Variants in TCF7L2 observed in about 807,000 individuals in gnomAD.
TCF7L2 encodes the protein transcription factor 7 like 2, also known as transcription factor 7-like 2.
TCF7L2 carries 23 observed loss-of-function variants against 77.9 expected under a neutral mutation model. The observed-to-expected ratio is 0.30, with a 90% CI of 0.21 to 0.42. TCF7L2 has a LOEUF of 0.42. TCF7L2 is among the 10% of genes least tolerant of loss of function. TCF7L2 has a pLI of 1.00. For missense variants in TCF7L2, 654 were observed against 793.1 expected, an observed-to-expected ratio of 0.82 and a Z score of 2.11; for synonymous variants, 413 against 340.2, an observed-to-expected ratio of 1.21 and a Z score of -2.36.
At chr10:113,062,158 G>A (rs1407599983) in intron 5 of TCF7L2, among the ~76,000 whole-genome samples, 2 of 152,134 alleles carry the variant, frequency 1.3e-5, no homozygotes, top group Non-Finnish European at 1.5e-5. Flanking sequence ...TCATGAAGAT[G>A]ACTGATAGAA....
intron 4 of TCF7L2, among the ~76,000 whole-genome samples, chr10:113,035,210 T>C (rs1371277824): frequency 6.6e-6 from 1 of 152,184 alleles, no homozygotes; most frequent in Non-Finnish European, 1.5e-5. Flanking sequence ...AGCTTTTCCC[T>C]CACAACTTGA....
rs946717595 is a variant in TCF7L2 at position 113,071,873 on chromosome 10, C to T, written c.552+31747C>T. Reference sequence around the variant, plus strand: ...CCCCACCCCCCATGAGTGGATTCCTCCAGGTCAGGGGCTGGCTGGGACTGT... The same window carrying T: ...CCCCACCCCCCATGAGTGGATTCCTTCAGGTCAGGGGCTGGCTGGGACTGT... On this transcript the variant is annotated intron_variant, in intron 5 of 13. Coordinates refer to ENST00000627217, the MANE Select transcript of TCF7L2 (RefSeq NM_001146274.2). Among the ~76,000 whole-genome samples, 6 of 152,200 alleles carry T rather than the reference C, an allele frequency of 3.9e-5. 1 individual carries two copies. In the South Asian group the frequency reaches 1.2e-3, roughly 32 times the overall value.
At chr10:113,138,862 G>A (rs1161525047) in intron 5 of TCF7L2, among the ~76,000 whole-genome samples, 1 of 152,130 alleles carries the variant, frequency 6.6e-6, no homozygotes, top group Non-Finnish European at 1.5e-5. Context: ...GAATGAATTA[G>A]GGCCTACTGA....
intron 5 of TCF7L2, among the ~76,000 whole-genome samples, chr10:113,133,903 G>T (rs1053855052): frequency 6.6e-6 from 1 of 152,192 alleles, no homozygotes; most frequent in African/African-American, 2.4e-5. Context: ...AGCCTGCGGG[G>T]GTAGGTTCTG....
rs150613645 is a variant in TCF7L2 at position 113,049,917 on chromosome 10, G to T, written c.552+9791G>T. Among the ~76,000 whole-genome samples the T allele has an allele frequency of 2.9e-3, 444 of 152,222 alleles. 5 individuals carry two copies. Among genetic ancestry groups the T allele is most frequent in the Middle Eastern group, 0.017 (5 of 294 alleles). On this transcript the variant is annotated intron_variant, in intron 5 of 13. Coordinates refer to ENST00000627217, the MANE Select transcript of TCF7L2 (RefSeq NM_001146274.2). ...ACACCTGTAGGCTGAGCAAGTCCCC[G>T]TTCATCAGACCCTGGCTCATCCAGC...
At chr10:113,049,793 C>T (rs375345311) in intron 5 of TCF7L2, among the ~76,000 whole-genome samples, 101 of 152,144 alleles carry the variant, frequency 6.6e-4, no homozygotes, top group African/African-American at 2.3e-3. Context: ...GCTTTGAGAC[C>T]CAAGAGCTTA....
intron 3 of TCF7L2, among the ~76,000 whole-genome samples, chr10:112,954,963 G>C (rs142522777): frequency 7.8e-4 from 118 of 152,210 alleles, no homozygotes; most frequent in African/African-American, 2.7e-3. Context: ...TTATTTAGCC[G>C]GGCAACTTCT....
intron 5 of TCF7L2, among the ~76,000 whole-genome samples, chr10:113,074,863 TG>T (rs1401425295): frequency 6.6e-6 from 1 of 152,164 alleles, no homozygotes; most frequent in Non-Finnish European, 1.5e-5. Context: ...CATCATCTCA[TG>T]GGCACAGGGC....
rs1175995835 is a variant in TCF7L2, at chr10:112,980,627, CT to C, written c.450+16017del. On this transcript the variant is annotated intron_variant, in intron 4 of 13. Coordinates refer to ENST00000627217, the MANE Select transcript of TCF7L2 (RefSeq NM_001146274.2). ...TTCTGGAATCCAGCGGCATTTGTTTCTTTTTTTTTTTTTTGAAACGGAGTCT... is the reference window on the plus strand; with the variant it reads ...TTCTGGAATCCAGCGGCATTTGTTTCTTTTTTTTTTTTTGAAACGGAGTCT... Among the ~76,000 whole-genome samples the C allele has an allele frequency of 7.0e-3, 996 of 143,082 alleles. 8 individuals carry two copies. Among genetic ancestry groups the C allele is most frequent in the South Asian group, 0.029 (130 of 4,506 alleles). The allele number at this position is 143,082 out of a possible 152,430, so 93.9% of individuals were successfully genotyped here. A position where few individuals can be genotyped will look rare whatever the true frequency, so the allele number is the denominator to read the frequency against.
intron 4 of TCF7L2, among the ~76,000 whole-genome samples, chr10:112,969,607 G>GT (rs1291926275): frequency 9.2e-5 from 14 of 152,238 alleles, no homozygotes; most frequent in African/African-American, 3.4e-4. Flanking sequence ...AACAGGGCCA[G>GT]TAGTTGTTAG....
At chr10:113,154,111 G>T (rs1285194324) in intron 11 of TCF7L2, among the ~76,000 whole-genome samples, 1 of 152,184 alleles carries the variant, frequency 6.6e-6, no homozygotes, top group Non-Finnish European at 1.5e-5. Flanking sequence ...CACTGCTTGG[G>T]ACCTTTCTGT....
intron 8 of TCF7L2, among the ~76,000 whole-genome samples, chr10:113,147,817 G>T (rs1340089776): frequency 6.6e-6 from 1 of 152,128 alleles, no homozygotes; most frequent in Non-Finnish European, 1.5e-5. Context: ...CTGATCGATT[G>T]AATTATCATT....
intron 3 of TCF7L2, among the ~76,000 whole-genome samples, chr10:112,954,855 A>C (rs1194567109): frequency 6.6e-5 from 10 of 152,158 alleles, no homozygotes; most frequent in Non-Finnish European, 5.9e-5. Flanking sequence ...GCTCTTTGCT[A>C]CTAGGTTGAA....
chr10:112,981,334 A>G (rs950856137), intron 4 of TCF7L2, among the ~76,000 whole-genome samples: 1 of 152,128 alleles, frequency 6.6e-6, no homozygotes, highest in Non-Finnish European at 1.5e-5. Context: ...AAGAAAGAAA[A>G]AAAGGGGAAA....
At chr10:113,034,486 G>A (rs2050791422) in intron 4 of TCF7L2, among the ~76,000 whole-genome samples, 1 of 152,162 alleles carries the variant, frequency 6.6e-6, no homozygotes, top group African/African-American at 2.4e-5. Flanking sequence ...CTCAGCTTTG[G>A]GCGCATAAGC....
intron 4 of TCF7L2, among the ~76,000 whole-genome samples, chr10:113,025,204 T>C (rs961808313): frequency 1.3e-5 from 2 of 150,034 alleles, no homozygotes; most frequent in African/African-American, 2.5e-5. Flanking sequence ...ACTACAGGCA[T>C]GCACTGTGAC....
At chr10:113,137,651 A>G (rs1446446752) in intron 5 of TCF7L2, among the ~76,000 whole-genome samples, 2 of 152,236 alleles carry the variant, frequency 1.3e-5, no homozygotes, top group African/African-American at 4.8e-5. Context: ...AAGGACCACT[A>G]AGCTCTGTTC....
At chr10:113,072,216 C>T (rs933817591) in intron 5 of TCF7L2, among the ~76,000 whole-genome samples, 4 of 151,896 alleles carry the variant, frequency 2.6e-5, no homozygotes, top group African/African-American at 4.8e-5. Flanking sequence ...CCACCACGCC[C>T]GACTAATTTT....
At chr10:113,126,537 A>G in intron 5 of TCF7L2, 1 of 984,998 alleles carries the variant, frequency 1.0e-6, no homozygotes, top group Non-Finnish European at 1.2e-6. Flanking sequence ...TTTGGGGGAA[A>G]AAAAGAAGAG....
Sources: gnomAD v4.1 joint callset for allele counts (sites outside exome capture counted in the v4.1 genomes callset) on GRCh38, gnomAD v4.1.1 for gene constraint, MANE v1.5 for transcripts, NCBI Gene and HGNC (gene_info 2026-07-23, HGNC 2026-07-21) for gene names.